The following HYKK variants were observed in gnomAD, a reference collection of about 807,000 sequenced individuals.
HYKK encodes 5-hydroxy-L-lysine kinase.
In HYKK, 19 loss-of-function variants were observed where a neutral mutation model predicts 29.7. The ratio of observed to expected loss-of-function variants is 0.64; its 90% confidence interval spans 0.45 to 0.94. The LOEUF (loss-of-function observed/expected upper bound fraction) is 0.94, where lower values mean the gene tolerates loss of function less well. HYKK is among the 40% of genes least tolerant of loss of function. The probability of loss-of-function intolerance (pLI) is 0.00; values close to 1 mark genes in which losing one functional copy is unlikely to be tolerated. For synonymous variants in HYKK, 152 were observed against 158.1 expected (o/e 0.96, Z 0.29); for missense variants, 390 against 443.4 (o/e 0.88, Z 1.08).
chr15:78,533,093 C>G, intron 4 of HYKK, 117 bp from the exon 5 acceptor site: 1 of 650,328 alleles, frequency 1.5e-6, no homozygotes, highest in Non-Finnish European at 2.7e-6. Context: ...AAAAATAGGG[C>G]CTGGCCCTTT....
intron 3 of HYKK, among the ~76,000 whole-genome samples, chr15:78,521,273 C>T (rs2052193417): frequency 1.3e-5 from 2 of 151,888 alleles, no homozygotes; most frequent in Admixed American, 1.3e-4. Flanking sequence ...CCATTTGGTC[C>T]TCAGATGGGC....
intron 3 of HYKK, among the ~76,000 whole-genome samples, chr15:78,521,790 C>T (rs896126385): frequency 6.6e-6 from 1 of 152,058 alleles, no homozygotes; most frequent in Non-Finnish European, 1.5e-5. Flanking sequence ...GTGGTAGAGC[C>T]AGTTGAAACC....
At chr15:78,515,867 C>T (rs1057268908) in intron 3 of HYKK, among the ~76,000 whole-genome samples, 2 of 152,034 alleles carry the variant, frequency 1.3e-5, no homozygotes, top group Non-Finnish European at 2.9e-5. Context: ...GGATTACAGG[C>T]GTGAGCCACT....
At chr15:78,531,683 C>G (rs1382823544) in intron 4 of HYKK, among the ~76,000 whole-genome samples, 1 of 152,094 alleles carries the variant, frequency 6.6e-6, no homozygotes, top group Non-Finnish European at 1.5e-5. Context: ...AGGTGCCCAC[C>G]ACCACGCTGG....
chr15:78,517,177 C>G (rs937988996), intron 3 of HYKK, among the ~76,000 whole-genome samples: 1 of 139,246 alleles, frequency 7.2e-6, no homozygotes, highest in Non-Finnish European at 1.5e-5. Context: ...AACGCTGTGA[C>G]CTCTGCCTCC....
intron 2 of HYKK, 76 bp from the exon 3 acceptor site, chr15:78,514,892 C>CTCTG: frequency 2.5e-6 from 1 of 392,552 alleles, no homozygotes; most frequent in Non-Finnish European, 3.8e-6. Context: ...CTAAATACCT[C>CTCTG]TCTCTCTCTC....
Position 78,533,382 on chromosome 15 carries a change from G to C in HYKK, c.834G>C (p.Lys278Asn). The change falls in exon 5 of 5, where the codon AAG (lysine) becomes AAC (asparagine). Residue 278 changes from lysine to asparagine, a missense_variant. By Grantham distance (94) the Lys-to-Asn change is moderately conservative (BLOSUM62 0). Coordinates refer to ENST00000388988, the MANE Select transcript of HYKK (RefSeq NM_001013619.4). ...ITIMYMMIES[K>N]SPIQVGGHVL... ...TCATGTACATGATGATTGAGAGCAA[G>C]AGTCCTATACAAGTAGGAGGCCATG... The C allele has an allele frequency of 6.2e-7, 1 of 1,614,202 alleles. No individual in the cohort carries two copies. Among genetic ancestry groups the C allele is most frequent in the African/African-American group, 1.3e-5 (1 of 75,066 alleles).
At chr15:78,518,665 C>T (rs1339515245) in intron 3 of HYKK, 4 of 444,240 alleles carry the variant, frequency 9.0e-6, no homozygotes, top group Non-Finnish European at 1.8e-5. Flanking sequence ...CGCCTATAAT[C>T]CCAGCACTTT....
intron 1 of HYKK, among the ~76,000 whole-genome samples, chr15:78,511,267 C>T (rs745489727): frequency 5.9e-5 from 9 of 152,058 alleles, no homozygotes; most frequent in South Asian, 2.1e-4. Flanking sequence ...GAGATTCTAA[C>T]GACCTTAAAT....
At chr15:78,521,816 G>A (rs2052199814) in intron 3 of HYKK, among the ~76,000 whole-genome samples, 2 of 152,096 alleles carry the variant, frequency 1.3e-5, no homozygotes, top group African/African-American at 4.8e-5. Flanking sequence ...CTGTCTGAGT[G>A]AACCCCAGGA....
intron 3 of HYKK, among the ~76,000 whole-genome samples, chr15:78,525,711 C>T (rs1470664521): frequency 6.6e-6 from 1 of 151,486 alleles, no homozygotes; most frequent in East Asian, 2.0e-4. Flanking sequence ...GTTGGCCAGG[C>T]TGGTCTCGAA....
At chr15:78,529,919 C>T (rs1033317507) in intron 4 of HYKK, among the ~76,000 whole-genome samples, 9 of 151,872 alleles carry the variant, frequency 5.9e-5, no homozygotes, top group African/African-American at 2.2e-4. Flanking sequence ...CTCACTGCAG[C>T]TTCGACCTCC....
At chr15:78,521,497 A>G (rs1183744498) in intron 3 of HYKK, among the ~76,000 whole-genome samples, 1 of 151,892 alleles carries the variant, frequency 6.6e-6, no homozygotes. Flanking sequence ...CACTGCAATT[A>G]CTTTTGCACC....
rs186329211 is a variant in HYKK at position 78,513,299 on chromosome 15, G to A, written c.211G>A (p.Ala71Thr). The stretch of plus-strand genomic sequence containing the variant: ...TGTCCTCAAAATAAGCAACACCAAG[G>A]CTAGCAAAAATCCAGACCTGATTGA... ...EYVLKISNTK[A>T]SKNPDLIEVQ... The change falls in exon 2 of 5, where the codon GCT (alanine) becomes ACT (threonine). Residue 71 changes from alanine to threonine, a missense_variant. By Grantham distance (58) the Ala-to-Thr change is moderately conservative (BLOSUM62 0). Coordinates refer to ENST00000388988, the MANE Select transcript of HYKK (RefSeq NM_001013619.4). 6.2e-7 allele frequency: 1 copy of A among 1,614,040 alleles called. No individual in the cohort carries two copies. Among genetic ancestry groups the A allele is most frequent in the South Asian group, 1.1e-5 (1 of 91,090 alleles).
In HYKK at chr15:78,515,116, TG is replaced by T. The variant is rs2052117817; in HGVS notation, c.477+13del. The T allele has an allele frequency of 2.6e-6, 4 of 1,544,310 alleles. No homozygotes were observed. The highest frequency in any genetic ancestry group is 1.7e-6 in the Non-Finnish European group (2 of 1,146,858). On this transcript the variant is annotated intron_variant, in intron 3 of 4. Coordinates refer to ENST00000388988, the MANE Select transcript of HYKK (RefSeq NM_001013619.4). The stretch of plus-strand genomic sequence containing the variant: ...TGGATAAGACACTGCAGGTAAGATT[TG>T]GGGCTTTATTTTATTCTAAGGGATG...
At chr15:78,510,044 G>A (rs1029962126) in intron 1 of HYKK, among the ~76,000 whole-genome samples, 4 of 151,878 alleles carry the variant, frequency 2.6e-5, no homozygotes. Context: ...GCGTTTGAGG[G>A]TTACCTCTCC....
chr15:78,536,768 G>A (rs981994115), downstream of HYKK: 1 of 152,200 alleles, frequency 6.6e-6, no homozygotes, highest in East Asian at 1.9e-4. Flanking sequence ...ACAGAGATAG[G>A]TAGTAAAGCG....
At chr15:78,514,016 T>C (rs1386170562) in intron 2 of HYKK, among the ~76,000 whole-genome samples, 1 of 152,130 alleles carries the variant, frequency 6.6e-6, no homozygotes, top group Non-Finnish European at 1.5e-5. Flanking sequence ...GGTCTTGAAC[T>C]CCTGGCCTCA....
At chr15:78,519,714 C>T (rs2052172107) in intron 3 of HYKK, among the ~76,000 whole-genome samples, 1 of 152,030 alleles carries the variant, frequency 6.6e-6, no homozygotes, top group Non-Finnish European at 1.5e-5. Context: ...TGAGGCGAGA[C>T]CGCACCACTG....
Sources: allele counts gnomAD v4.1 joint callset (sites outside exome capture counted in the v4.1 genomes callset), GRCh38; gene constraint gnomAD v4.1.1; transcripts MANE v1.5; gene names NCBI Gene and HGNC (gene_info 2026-07-23, HGNC 2026-07-21).